Variants in LGSN observed in about 807,000 individuals in gnomAD.
LGSN encodes lengsin, lens protein with glutamine synthetase domain.
LGSN carries 21 observed loss-of-function variants against 19.5 expected under a neutral mutation model. That is an observed-to-expected ratio of 1.07 (90% confidence interval 0.76 to 1.55). The LOEUF is 1.55. Ranked by LOEUF, LGSN falls within the 40% of genes most tolerant of loss-of-function variation. The pLI, the probability that LGSN is intolerant of heterozygous loss-of-function variation, is 0.00. For synonymous variants in LGSN, 257 were observed against 215.6 expected (o/e 1.19, Z -1.68); for missense variants, 673 against 608.5 (o/e 1.11, Z -1.12).
the LGSN span, among the ~76,000 whole-genome samples, chr6:63,507,004 T>G: frequency 2.6e-5 from 4 of 151,816 alleles, no homozygotes; most frequent in African/African-American, 9.7e-5. Context: ...AGAGCCAATA[T>G]GAGGATGCCT....
At chr6:63,535,960 A>G in the LGSN span, among the ~76,000 whole-genome samples, 1 of 152,038 alleles carries the variant, frequency 6.6e-6, no homozygotes, top group Non-Finnish European at 1.5e-5. Flanking sequence ...TTTTGTAGAG[A>G]CAGTGTTTCA....
chr6:63,448,538 A>T, the LGSN span, among the ~76,000 whole-genome samples: 3 of 151,994 alleles, frequency 2.0e-5, no homozygotes, highest in African/African-American at 7.3e-5. Context: ...GTCTCTGGAA[A>T]GGGAGGTAGG....
At chr6:63,437,273 G>A in the LGSN span, among the ~76,000 whole-genome samples, 2 of 149,892 alleles carry the variant, frequency 1.3e-5, no homozygotes, top group Admixed American at 6.6e-5. Context: ...TTTTTTTTTC[G>A]CCAAATTGTC....
At chr6:63,283,871 T>A (rs1767420745) in intron 3 of LGSN, among the ~76,000 whole-genome samples, 1 of 152,072 alleles carries the variant, frequency 6.6e-6, no homozygotes, top group Non-Finnish European at 1.5e-5. Flanking sequence ...AGCTAATTTT[T>A]GTATTTTTAG....
At chr6:63,414,007 C>T in the LGSN span, among the ~76,000 whole-genome samples, 4 of 152,100 alleles carry the variant, frequency 2.6e-5, no homozygotes, top group African/African-American at 9.7e-5. Flanking sequence ...TTATTAAAGG[C>T]TTGTAATTAA....
the LGSN span, among the ~76,000 whole-genome samples, chr6:63,401,025 T>A: frequency 6.6e-6 from 1 of 152,232 alleles, no homozygotes; most frequent in Admixed American, 6.5e-5. Context: ...CATTAATAAA[T>A]ATTTGATAAG....
At chr6:63,415,695 C>T in the LGSN span, among the ~76,000 whole-genome samples, 1 of 152,202 alleles carries the variant, frequency 6.6e-6, no homozygotes, top group African/African-American at 2.4e-5. Context: ...ACCATATCAA[C>T]CCTCATTTCT....
chr6:63,483,252 C>T, the LGSN span, among the ~76,000 whole-genome samples: 17 of 152,298 alleles, frequency 1.1e-4, no homozygotes, highest in South Asian at 3.5e-3. Context: ...TCTGTCTTCT[C>T]TGTGTCCTTA....
the LGSN span, among the ~76,000 whole-genome samples, chr6:63,559,216 C>T: frequency 6.6e-6 from 1 of 152,240 alleles, no homozygotes; most frequent in Non-Finnish European, 1.5e-5. Context: ...TAAATACTCC[C>T]TTGTAACAAA....
At chr6:63,420,151 C>G in the LGSN span, among the ~76,000 whole-genome samples, 5 of 150,478 alleles carry the variant, frequency 3.3e-5, no homozygotes, top group Non-Finnish European at 7.4e-5. Flanking sequence ...TGCAGTGAGC[C>G]GAGATCGCAC....
At chr6:63,555,009 T>C in the LGSN span, among the ~76,000 whole-genome samples, 3 of 151,946 alleles carry the variant, frequency 2.0e-5, no homozygotes, top group African/African-American at 4.8e-5. Context: ...TCTGATAACA[T>C]GTGGCTGATA....
At chr6:63,554,790 A>G in the LGSN span, among the ~76,000 whole-genome samples, 4 of 152,302 alleles carry the variant, frequency 2.6e-5, no homozygotes, top group African/African-American at 9.6e-5. Context: ...CTGTCTCAAA[A>G]AAATGGAACA....
At chr6:63,507,967 A>G in the LGSN span, among the ~76,000 whole-genome samples, 5 of 152,320 alleles carry the variant, frequency 3.3e-5, no homozygotes, top group East Asian at 9.6e-4. Flanking sequence ...TGGGTCTCTC[A>G]GCTCCATAGT....
At chr6:63,556,315 A>C in the LGSN span, among the ~76,000 whole-genome samples, 1 of 151,036 alleles carries the variant, frequency 6.6e-6, no homozygotes, top group African/African-American at 2.4e-5. Flanking sequence ...TATAACATCA[A>C]ACTTGGTTTT....
At chr6:63,317,981 G>A (rs1768929848) in intron 1 of LGSN, among the ~76,000 whole-genome samples, 1 of 152,112 alleles carries the variant, frequency 6.6e-6, no homozygotes, top group African/African-American at 2.4e-5. Context: ...GTTATGATAT[G>A]CCACTCTTTC....
At chr6:63,466,240 C>T in the LGSN span, among the ~76,000 whole-genome samples, 3 of 152,252 alleles carry the variant, frequency 2.0e-5, no homozygotes, top group South Asian at 6.2e-4. Context: ...GGGGAAACCC[C>T]TAGAGAGTTT....
At chr6:63,439,706 A>C in the LGSN span, among the ~76,000 whole-genome samples, 1 of 152,098 alleles carries the variant, frequency 6.6e-6, no homozygotes, top group Non-Finnish European at 1.5e-5. Flanking sequence ...TTCCCAGACT[A>C]AATATGCATG....
At chr6:63,490,822 G>A in the LGSN span, among the ~76,000 whole-genome samples, 4 of 152,188 alleles carry the variant, frequency 2.6e-5, no homozygotes, top group Admixed American at 1.3e-4. Flanking sequence ...TGGTGCTTAA[G>A]TCCCATTCCA....
At chr6:63,530,269 C>T in the LGSN span, among the ~76,000 whole-genome samples, 1 of 152,000 alleles carries the variant, frequency 6.6e-6, no homozygotes, top group Admixed American at 6.6e-5. Flanking sequence ...GAAGAAAAGG[C>T]ATAGATGTAA....
Sources: allele counts gnomAD v4.1 joint callset (sites outside exome capture counted in the v4.1 genomes callset), GRCh38; gene constraint gnomAD v4.1.1; transcripts MANE v1.5; gene names NCBI Gene and HGNC (gene_info 2026-07-23, HGNC 2026-07-21).